Variants in MTMR3 observed in about 807,000 individuals in gnomAD.
MTMR3 encodes myotubularin related protein 3, also known as phosphatidylinositol-3,5-bisphosphate 3-phosphatase MTMR3.
Under a neutral mutation model 132.4 loss-of-function variants are expected in MTMR3, and 32 were observed. The observed-to-expected ratio is 0.24, with a 90% CI of 0.18 to 0.32. MTMR3 has a LOEUF of 0.32. Ranked by LOEUF, MTMR3 falls within the 10% of genes least tolerant of loss-of-function variation. The pLI, the probability that MTMR3 is intolerant of heterozygous loss-of-function variation, is 1.00. For synonymous variants in MTMR3, 556 were observed against 550.3 expected (o/e 1.01, Z -0.14); for missense variants, 1,216 against 1,489.6 (o/e 0.82, Z 3.02).
chr22:30,002,860 A>G lies in MTMR3; in HGVS notation c.558-20A>G, dbSNP rs1176439177. ...CTCTCTTATCCCCTTGACTCTCCCC[A>G]CTTCTCATCTTCTCTTTAGATTATG... On this transcript the variant is annotated intron_variant, in intron 8 of 19. Transcript: ENST00000401950. The G allele has an allele frequency of 6.3e-7, 1 of 1,586,418 alleles. No individual in the cohort carries two copies. Among genetic ancestry groups the G allele is most frequent in the Non-Finnish European group, 8.7e-7 (1 of 1,155,726 alleles).
In MTMR3 at chr22:29,973,602, G is replaced by A. The variant is rs138349913; in HGVS notation, c.3+2540G>A. On this transcript the variant is annotated intron_variant, in intron 3 of 19. Coordinates refer to ENST00000401950, the MANE Select transcript of MTMR3 (RefSeq NM_021090.4). ...CTGGTCATCAGTCTCTCCTTCCCAT[G>A]TACTTTATTTTTTTGAAATGGAGTT... Among the ~76,000 whole-genome samples, 615 of 152,188 alleles carry A rather than the reference G, an allele frequency of 4.0e-3. 4 individuals are homozygous for A. Among genetic ancestry groups the A allele is most frequent in the African/African-American group, 0.014 (573 of 41,536 alleles).
At chr22:29,885,161 C>T (rs78078124) in intron 1 of MTMR3, among the ~76,000 whole-genome samples, 1 of 152,156 alleles carries the variant, frequency 6.6e-6, no homozygotes, top group Non-Finnish European at 1.5e-5. Context: ...TCCTCGAACT[C>T]ATGCAGGACC....
At chr22:29,976,695 C>G (rs2145881572) in intron 3 of MTMR3, among the ~76,000 whole-genome samples, 2 of 152,218 alleles carry the variant, frequency 1.3e-5, no homozygotes, top group Admixed American at 1.3e-4. Context: ...TGAAGAAAGG[C>G]AATAATACCG....
At chr22:29,968,497 A>T (rs1373748293) in intron 2 of MTMR3, among the ~76,000 whole-genome samples, 1 of 152,060 alleles carries the variant, frequency 6.6e-6, no homozygotes, top group Non-Finnish European at 1.5e-5. Context: ...ATAAGTTCAT[A>T]CCCTCAAATT....
At chr22:30,010,818 C>G (rs1258713272) in intron 12 of MTMR3, 1 of 152,132 alleles carries the variant, frequency 6.6e-6, no homozygotes, top group East Asian at 1.9e-4. Context: ...AACAATTGAT[C>G]CATCAGGAAA....
rs117714765 is a variant in MTMR3, at chr22:29,958,725, T to G, written c.-85+1637T>G. 0.01 allele frequency among the ~76,000 whole-genome samples: 1,595 copies of G among 152,284 alleles called. 52 individuals carry two copies. The East Asian group carries it at 0.12, about 12-fold the overall frequency. ...TCTTAACATACTCTTGTCTTATTAG[T>G]TATATTTGTTGGTCACCCCCACAGG... On this transcript the variant is annotated intron_variant, in intron 2 of 19. Transcript: ENST00000401950.
At chr22:29,989,184 C>T (rs2066913073) in intron 6 of MTMR3, 1 of 152,180 alleles carries the variant, frequency 6.6e-6, no homozygotes, top group Non-Finnish European at 1.5e-5. Context: ...ATTTAGCTGC[C>T]ATGACTCTGT....
At chr22:29,938,732 T>C (rs2065798526) in intron 1 of MTMR3, among the ~76,000 whole-genome samples, 1 of 152,242 alleles carries the variant, frequency 6.6e-6, no homozygotes, top group Admixed American at 6.5e-5. Context: ...TTTCTTCTTT[T>C]CCATAGAATG....
chr22:30,008,366 T>G, intron 11 of MTMR3: 1 of 228,060 alleles, frequency 4.4e-6, no homozygotes, highest in Non-Finnish European at 8.9e-6. Context: ...AAAAGCTTTT[T>G]GTTGCCTTTG....
At chr22:29,988,079 T>C (rs2066892156) in intron 5 of MTMR3, 1 of 153,222 alleles carries the variant, frequency 6.5e-6, no homozygotes, top group Admixed American at 6.5e-5. Flanking sequence ...GATCTGTAGT[T>C]CTTTTCTATA....
chr22:30,002,981 C>T lies in MTMR3; in HGVS notation c.659C>T (p.Ala220Val). ...TTCAGGTCCTGGAAGCGCATCCCTG[C>T]CGTCATCTACAGGTAAGTTAAACTG... ...SSFRSWKRIP[A>V]VIYRHQSNGA... Residue 220 changes from alanine (A) to valine (V), a missense_variant, in exon 9 of 20, where the codon GCC becomes GTC. Ala to Val is a moderately conservative substitution (Grantham distance 64). Coordinates refer to ENST00000401950, the MANE Select transcript of MTMR3 (RefSeq NM_021090.4). The T allele has an allele frequency of 6.2e-7, 1 of 1,613,822 alleles. No individual in the cohort carries two copies. Among genetic ancestry groups the T allele is most frequent in the Non-Finnish European group, 8.5e-7 (1 of 1,179,726 alleles).
At chr22:29,969,294 AG>A (rs2066487495) in intron 2 of MTMR3, among the ~76,000 whole-genome samples, 2 of 152,328 alleles carry the variant, frequency 1.3e-5, no homozygotes, top group South Asian at 2.1e-4. Context: ...TGACACAAAA[AG>A]CTTGACTTCT....
In MTMR3 at chr22:30,020,500, C is replaced by T. The variant is rs758495038; in HGVS notation, c.2841C>T (p.Thr947=). 1.2e-6 allele frequency: 2 copies of T among 1,614,152 alleles called. No homozygotes were observed. The highest frequency in any genetic ancestry group is 2.7e-5 in the African/African-American group (2 of 75,048). The change falls in exon 17 of 20, where the codon ACC becomes ACT. Residue 947 remains threonine, a synonymous_variant. Coordinates refer to ENST00000401950, the MANE Select transcript of MTMR3 (RefSeq NM_021090.4). ...CAGAGCAGCCCCCAGGTCTTAGCAC[C>T]CTCCAGATGTACCCCACACCCAATG... ...RASEQPPGLS[T]LQMYPTPNGH...
At chr22:29,896,431 C>T (rs917109659) in intron 1 of MTMR3, among the ~76,000 whole-genome samples, 1 of 152,174 alleles carries the variant, frequency 6.6e-6, no homozygotes, top group African/African-American at 2.4e-5. Context: ...GTAAGAGGAT[C>T]AGCTTCGATG....
At chr22:29,926,533 C>T (rs145618471) in intron 1 of MTMR3, among the ~76,000 whole-genome samples, 67 of 152,304 alleles carry the variant, frequency 4.4e-4, no homozygotes, top group Admixed American at 2.2e-3. Flanking sequence ...AATTTCTCCA[C>T]ATTCTTGATT....
chr22:29,939,385 A>G (rs2065811463), intron 1 of MTMR3, among the ~76,000 whole-genome samples: 1 of 152,216 alleles, frequency 6.6e-6, no homozygotes, highest in Non-Finnish European at 1.5e-5. Context: ...CAAACATTGA[A>G]ATCTTGTAGA....
rs1375642060 is a variant in MTMR3, at chr22:29,978,955, A to G, written c.113A>G (p.His38Arg). ...TCGAAGGTTCCTTTCCTTGAACTTC[A>G]TGGAGAGAGCACAGAGTTTGTGGGC... The part of the protein sequence containing the change: ...ENLQVPFLEL[H>R]GESTEFVGRA... Residue 38 changes from histidine to arginine, a missense_variant, in exon 5 of 20, where the codon CAT becomes CGT. Physicochemically the swap from His to Arg is conservative, Grantham distance 29. This residue lies in a region of MTMR3 where 81 missense variants were observed against 87.7 expected (regional missense o/e 0.92). Coordinates refer to ENST00000401950, the MANE Select transcript of MTMR3 (RefSeq NM_021090.4). 2 of 1,613,196 alleles carry G rather than the reference A, an allele frequency of 1.2e-6. No homozygotes were observed. The highest frequency in any genetic ancestry group is 1.7e-5 in the Admixed American group (1 of 59,916).
intron 2 of MTMR3, among the ~76,000 whole-genome samples, chr22:29,958,072 G>A (rs755056940): frequency 6.6e-6 from 1 of 151,650 alleles, no homozygotes; most frequent in East Asian, 2.0e-4. Flanking sequence ...CATATTCCCC[G>A]AGGATAAGGC....
At chr22:29,971,333 G>A (rs2066530946) in intron 3 of MTMR3, among the ~76,000 whole-genome samples, 1 of 152,052 alleles carries the variant, frequency 6.6e-6, no homozygotes, top group South Asian at 2.1e-4. Flanking sequence ...ATGGAATCAA[G>A]ACTAAAACAT....
Sources: gnomAD v4.1 joint callset for allele counts (sites outside exome capture counted in the v4.1 genomes callset) on GRCh38, gnomAD v4.1.1 for gene constraint, gnomAD v4.1.1 regional missense constraint, MANE v1.5 for transcripts, NCBI Gene and HGNC (gene_info 2026-07-23, HGNC 2026-07-21) for gene names.